TCERG1L: variants seen among roughly 807,000 people sequenced by gnomAD.
TCERG1L encodes transcription elongation regulator 1-like protein.
In TCERG1L, 37 loss-of-function variants were observed where a neutral mutation model predicts 56.3. The ratio of observed to expected loss-of-function variants is 0.66; its 90% CI spans 0.51 to 0.87. The LOEUF is 0.87. Among genes scored for constraint, TCERG1L ranks in the 40% least tolerant of loss-of-function variants. The probability of loss-of-function intolerance (pLI) is 0.00; values close to 1 mark genes in which losing one functional copy is unlikely to be tolerated. For missense variants in TCERG1L, 799 were observed against 774.2 expected, an observed-to-expected ratio of 1.03 and a Z score of -0.38; for synonymous variants, 324 against 326.3, an observed-to-expected ratio of 0.99 and a Z score of 0.08.
chr10:131,266,447 G>A (rs954349841), intron 3 of TCERG1L, among the ~76,000 whole-genome samples: 24 of 152,194 alleles, frequency 1.6e-4, no homozygotes, highest in African/African-American at 4.8e-4. Flanking sequence ...GACCAGGTGC[G>A]TTGTCAATGA....
At chr10:131,154,305 C>A (rs974430396) in intron 6 of TCERG1L, among the ~76,000 whole-genome samples, 3 of 152,158 alleles carry the variant, frequency 2.0e-5, no homozygotes, top group African/African-American at 7.2e-5. Flanking sequence ...CCACACTCAT[C>A]CTGCAAATAG....
chr10:131,305,263 G>C (rs182840227), intron 3 of TCERG1L, among the ~76,000 whole-genome samples: 2 of 152,104 alleles, frequency 1.3e-5, no homozygotes, highest in South Asian at 2.1e-4. Context: ...ACAACAGAGC[G>C]TGATAACAGG....
At chr10:131,107,797 C>T (rs1291096853) in intron 9 of TCERG1L, among the ~76,000 whole-genome samples, 1 of 152,130 alleles carries the variant, frequency 6.6e-6, no homozygotes, top group Non-Finnish European at 1.5e-5. Flanking sequence ...TGCATATACA[C>T]ATGCAGGTGC....
In TCERG1L at chr10:131,103,321, A is replaced by G. The variant is rs1845321201; in HGVS notation, c.1485+944T>C. Among the ~76,000 whole-genome samples the G allele has an allele frequency of 6.6e-6, 1 of 152,198 alleles. No homozygotes were observed. Among genetic ancestry groups the G allele is most frequent in the African/African-American group, 2.4e-5 (1 of 41,442 alleles). ...TTATCTTTGGCTACAGAGATCCATA[A>G]CAGGACGAAGCCAGTCTGAGGAGGG... is the stretch of plus-strand genomic sequence containing the variant. On this transcript the variant is annotated intron_variant, in intron 10 of 11. Transcript: ENST00000368642. The surrounding 1 kb of genome is among the most constrained non-coding windows in gnomAD (Gnocchi z 4.3).
intron 9 of TCERG1L, among the ~76,000 whole-genome samples, chr10:131,115,334 A>C (rs1207233603): frequency 2.0e-5 from 3 of 152,252 alleles, no homozygotes; most frequent in Admixed American, 2.0e-4. Flanking sequence ...AGAAACTACA[A>C]CAAAGACCCT....
At chr10:131,098,685 C>T (rs1845274054) in intron 10 of TCERG1L, among the ~76,000 whole-genome samples, 1 of 152,206 alleles carries the variant, frequency 6.6e-6, no homozygotes, top group Non-Finnish European at 1.5e-5. Flanking sequence ...TGAAGCAGCC[C>T]TGCTGGAGAA....
At chr10:131,281,533 T>C (rs1589771013) in intron 3 of TCERG1L, among the ~76,000 whole-genome samples, 1 of 152,092 alleles carries the variant, frequency 6.6e-6, no homozygotes, top group Non-Finnish European at 1.5e-5. Flanking sequence ...AAAGGAAACT[T>C]TGAGTGAAGC....
intron 4 of TCERG1L, among the ~76,000 whole-genome samples, chr10:131,174,435 T>C (rs1846125641): frequency 6.6e-6 from 1 of 152,076 alleles, no homozygotes; most frequent in Non-Finnish European, 1.5e-5. Context: ...TGCTGTGCGG[T>C]TGGAGAGGGC....
intron 3 of TCERG1L, among the ~76,000 whole-genome samples, chr10:131,301,588 CAGA>C (rs1238405604): frequency 2.6e-5 from 4 of 151,754 alleles, no homozygotes; most frequent in African/African-American, 4.9e-5. Flanking sequence ...TCATATTTCA[CAGA>C]AGAATTCTAA....
chr10:131,219,309 G>T (rs1052971315), intron 4 of TCERG1L, among the ~76,000 whole-genome samples: 1 of 152,178 alleles, frequency 6.6e-6, no homozygotes, highest in African/African-American at 2.4e-5. Flanking sequence ...AGCCAGGCAG[G>T]TCCCATCATC....
At chr10:131,154,011 A>C (rs897894503) in intron 6 of TCERG1L, among the ~76,000 whole-genome samples, 1 of 152,134 alleles carries the variant, frequency 6.6e-6, no homozygotes, top group African/African-American at 2.4e-5. Flanking sequence ...GTTGGCTTCC[A>C]CTGGACGGGG....
intron 10 of TCERG1L, among the ~76,000 whole-genome samples, chr10:131,100,113 C>T (rs12357021): frequency 0.074 from 11,290 of 152,204 alleles, 460 homozygotes; most frequent in Middle Eastern, 0.1. Flanking sequence ...GTGATCCACC[C>T]GCCTCAGCCT....
At chr10:131,213,319 G>T (rs1255032637) in intron 4 of TCERG1L, among the ~76,000 whole-genome samples, 2 of 152,242 alleles carry the variant, frequency 1.3e-5, no homozygotes, top group African/African-American at 4.8e-5. Flanking sequence ...GAACGTGGGA[G>T]GGCTTGAAAC....
chr10:131,150,044 G>T (rs958822180), intron 6 of TCERG1L, among the ~76,000 whole-genome samples: 1 of 152,182 alleles, frequency 6.6e-6, no homozygotes, highest in African/African-American at 2.4e-5. Context: ...CAACTGGTCT[G>T]AGTGGCAAAT....
Position 131,179,775 on chromosome 10 carries a change from C to T in TCERG1L, c.857-12890G>A, listed in dbSNP as rs992529425. 2.6e-5 allele frequency among the ~76,000 whole-genome samples: 4 copies of T among 152,152 alleles called. No homozygotes were observed. In the South Asian group the frequency reaches 6.2e-4, roughly 24 times the overall value. On this transcript the variant is annotated intron_variant, in intron 4 of 11. Coordinates refer to ENST00000368642, the MANE Select transcript of TCERG1L (RefSeq NM_174937.4). ...CAGAAGCAGCTGCATGCGTCGCTGACGGTTTTGTCCCCTTGCAAATAGTGA... is the reference window on the plus strand; with the variant it reads ...CAGAAGCAGCTGCATGCGTCGCTGATGGTTTTGTCCCCTTGCAAATAGTGA...
chr10:131,302,131 A>T (rs1376087009), intron 3 of TCERG1L, among the ~76,000 whole-genome samples: 1 of 152,030 alleles, frequency 6.6e-6, no homozygotes, highest in Non-Finnish European at 1.5e-5. Context: ...AAATTGCTTC[A>T]ATCACAAGAT....
At chr10:131,128,561 C>A (rs1181485477) in intron 8 of TCERG1L, among the ~76,000 whole-genome samples, 1 of 152,158 alleles carries the variant, frequency 6.6e-6, no homozygotes, top group Non-Finnish European at 1.5e-5. Flanking sequence ...GTAAGTTGGT[C>A]ACCTTTCGAG....
chr10:131,171,719 C>T (rs765499611), intron 4 of TCERG1L, among the ~76,000 whole-genome samples: 5 of 152,112 alleles, frequency 3.3e-5, no homozygotes, highest in East Asian at 3.9e-4. Context: ...TACAGGCATG[C>T]GCCACCACAC....
At chr10:131,108,475 T>C (rs1050888563) in intron 9 of TCERG1L, among the ~76,000 whole-genome samples, 13 of 67,324 alleles carry the variant, frequency 1.9e-4, no homozygotes, top group Non-Finnish European at 3.9e-4. Flanking sequence ...GCTCATCTTC[T>C]ACCACCCTTG....
Sources: gnomAD v4.1 joint callset for allele counts (sites outside exome capture counted in the v4.1 genomes callset) on GRCh38, gnomAD v4.1.1 for gene constraint, Gnocchi (gnomAD v3.1) non-coding constraint, MANE v1.5 for transcripts, NCBI Gene and HGNC (gene_info 2026-07-23, HGNC 2026-07-21) for gene names.